Variants in CDKAL1 observed in about 807,000 individuals in gnomAD.
CDKAL1 encodes the protein threonylcarbamoyladenosine tRNA methylthiotransferase.
CDKAL1 carries 32 observed loss-of-function variants against 68.2 expected under a neutral mutation model. The ratio of observed to expected loss-of-function variants is 0.47; its 90% CI spans 0.35 to 0.63. The LOEUF (loss-of-function observed/expected upper bound fraction) is 0.63. Among genes scored for constraint, CDKAL1 ranks in the 30% least tolerant of loss-of-function variants. The pLI, the probability that CDKAL1 is intolerant of heterozygous loss-of-function variation, is 0.00. For synonymous variants in CDKAL1, 234 were observed against 244.3 expected, an observed-to-expected ratio of 0.96 and a Z score of 0.39; for missense variants, 606 against 696.7, an observed-to-expected ratio of 0.87 and a Z score of 1.47.
chr6:20,625,717 C>G (rs149998797), intron 4 of CDKAL1, among the ~76,000 whole-genome samples: 8 of 152,100 alleles, frequency 5.3e-5, no homozygotes, highest in Admixed American at 5.2e-4. Flanking sequence ...CATTGACAGT[C>G]AATGAATTGC....
At chr6:20,719,709 T>C (rs922243679) in intron 5 of CDKAL1, among the ~76,000 whole-genome samples, 11 of 152,314 alleles carry the variant, frequency 7.2e-5, no homozygotes, top group Non-Finnish European at 1.5e-4. Context: ...TTAAGTAAGA[T>C]ACCCTGTAGC....
intron 9 of CDKAL1, among the ~76,000 whole-genome samples, chr6:20,864,543 C>G (rs1468385104): frequency 6.6e-6 from 1 of 152,124 alleles, no homozygotes; most frequent in Non-Finnish European, 1.5e-5. Context: ...TTTGTGATTT[C>G]TAACTGTGAC....
intron 5 of CDKAL1, among the ~76,000 whole-genome samples, chr6:20,709,566 CT>C (rs1771752281): frequency 6.6e-6 from 1 of 152,144 alleles, no homozygotes; most frequent in African/African-American, 2.4e-5. Flanking sequence ...GATTTTACTA[CT>C]TTATCAGTTA....
At chr6:20,601,068 C>T (rs1766075770) in intron 4 of CDKAL1, among the ~76,000 whole-genome samples, 1 of 151,956 alleles carries the variant, frequency 6.6e-6, no homozygotes, top group Non-Finnish European at 1.5e-5. Flanking sequence ...CTCTGGATGG[C>T]ATTGCTAAAT....
intron 7 of CDKAL1, among the ~76,000 whole-genome samples, chr6:20,777,049 C>T (rs766831590): frequency 6.6e-6 from 1 of 152,174 alleles, no homozygotes; most frequent in Non-Finnish European, 1.5e-5. Flanking sequence ...AAGCAATGGA[C>T]AGACGGACTA....
chr6:20,585,057 C>A (rs200748214), intron 4 of CDKAL1, among the ~76,000 whole-genome samples: 1 of 131,684 alleles, frequency 7.6e-6, no homozygotes, highest in Non-Finnish European at 1.6e-5. Flanking sequence ...AATCTTGTTT[C>A]TTTTTTTTTT....
chr6:20,722,321 A>G (rs757946103), intron 5 of CDKAL1: 2 of 175,302 alleles, frequency 1.1e-5, no homozygotes, highest in Admixed American at 5.7e-5. Context: ...ATAATAAAAG[A>G]TGATGCTTAG....
Position 20,853,416 on chromosome 6 carries a change from C to T in CDKAL1, c.742+7238C>T, listed in dbSNP as rs370114535. 2.2e-3 allele frequency among the ~76,000 whole-genome samples: 330 copies of T among 150,596 alleles called. 1 individual carries two copies. The highest frequency in any genetic ancestry group is 7.5e-3 in the African/African-American group (309 of 41,094). On this transcript the variant is annotated intron_variant, in intron 9 of 15. Transcript: ENST00000274695. The stretch of plus-strand genomic sequence containing the variant: ...CAAAAAAAAAACAAAAAAAAAAACC[C>T]TATATGATAGGGGTTATTGATGAAG...
chr6:21,000,752 G>A (rs1767385715), intron 11 of CDKAL1, among the ~76,000 whole-genome samples: 1 of 152,132 alleles, frequency 6.6e-6, no homozygotes, highest in South Asian at 2.1e-4. Flanking sequence ...AGGCCAAATT[G>A]TGTCACTACA....
At chr6:20,846,620 A>G (rs980143936) in intron 9 of CDKAL1, among the ~76,000 whole-genome samples, 2 of 152,212 alleles carry the variant, frequency 1.3e-5, no homozygotes, top group Non-Finnish European at 2.9e-5. Context: ...AAGTTTTCAT[A>G]TCAGCCAATA....
chr6:20,577,366 T>C (rs1168409219), intron 4 of CDKAL1, among the ~76,000 whole-genome samples: 1 of 152,252 alleles, frequency 6.6e-6, no homozygotes, highest in Non-Finnish European at 1.5e-5. Context: ...TTTTTCATTT[T>C]CACTTTGTAC....
At chr6:20,554,071 G>T (rs1468044635) in intron 4 of CDKAL1, among the ~76,000 whole-genome samples, 1 of 152,242 alleles carries the variant, frequency 6.6e-6, no homozygotes, top group Non-Finnish European at 1.5e-5. Context: ...GCCCGCCTTG[G>T]CCTCCCAAAG....
chr6:21,213,635 T>G (rs2151118863), intron 15 of CDKAL1, among the ~76,000 whole-genome samples: 1 of 152,362 alleles, frequency 6.6e-6, no homozygotes, highest in South Asian at 2.1e-4. Flanking sequence ...TGGTGTAAGA[T>G]AGTGGCATTC....
intron 12 of CDKAL1, among the ~76,000 whole-genome samples, chr6:21,068,022 A>T (rs1040296123): frequency 6.6e-6 from 1 of 152,100 alleles, no homozygotes. Flanking sequence ...TACCTGTTCA[A>T]ATCTTTTGCC....
At chr6:21,096,613 C>T (rs1002836859) in intron 12 of CDKAL1, among the ~76,000 whole-genome samples, 1 of 152,116 alleles carries the variant, frequency 6.6e-6, no homozygotes, top group Non-Finnish European at 1.5e-5. Context: ...ACATAACTTC[C>T]TTTTTTAACT....
intron 11 of CDKAL1, among the ~76,000 whole-genome samples, chr6:21,059,266 C>CA (rs1771007063): frequency 6.6e-6 from 1 of 152,214 alleles, no homozygotes; most frequent in Non-Finnish European, 1.5e-5. Context: ...CTAGCACCAG[C>CA]AGGGGAAAAC....
chr6:21,039,514 A>G (rs1336995443), intron 11 of CDKAL1, among the ~76,000 whole-genome samples: 2 of 152,240 alleles, frequency 1.3e-5, no homozygotes, highest in Admixed American at 1.3e-4. Flanking sequence ...ACAGCTCAAC[A>G]GTAAGCTTTA....
At chr6:21,103,440 A>G (rs558844123) in intron 12 of CDKAL1, among the ~76,000 whole-genome samples, 1 of 114,834 alleles carries the variant, frequency 8.7e-6, no homozygotes, top group Non-Finnish European at 1.9e-5. Context: ...AGTATAAGAA[A>G]AAAAAAAAAG....
intron 12 of CDKAL1, among the ~76,000 whole-genome samples, chr6:21,074,154 A>G (rs866484543): frequency 6.6e-6 from 1 of 152,218 alleles, no homozygotes; most frequent in African/African-American, 2.4e-5. Flanking sequence ...GGCTACAAGT[A>G]CAAAGAAAAG....
Sources: gnomAD v4.1 joint callset for allele counts (sites outside exome capture counted in the v4.1 genomes callset) on GRCh38, gnomAD v4.1.1 for gene constraint, MANE v1.5 for transcripts, NCBI Gene and HGNC (gene_info 2026-07-23, HGNC 2026-07-21) for gene names.